Variants in RB1 observed in about 807,000 individuals in gnomAD.
The protein encoded by RB1 is retinoblastoma-associated protein.
In RB1, 18 loss-of-function variants were observed where a neutral mutation model predicts 135.4. The ratio of observed to expected loss-of-function variants is 0.13; its 90% CI spans 0.09 to 0.20. RB1 has a LOEUF of 0.20. Among genes scored for constraint, RB1 ranks in the 10% least tolerant of loss-of-function variants. The pLI is 1.00. For synonymous variants in RB1, 365 were observed against 373.2 expected (o/e 0.98, Z 0.25); for missense variants, 868 against 1,110.0 (o/e 0.78, Z 3.10).
rs58163880 is a variant in RB1 at position 48,430,765 on chromosome 13, CAAAA to C, written c.1696-22219_1696-22216del. 1.2e-4 allele frequency among the ~76,000 whole-genome samples: 18 copies of C among 150,064 alleles called. No homozygotes were observed. In the South Asian group the frequency reaches 3.6e-3, roughly 30 times the overall value. On this transcript the variant is annotated intron_variant, in intron 17 of 26. Coordinates refer to ENST00000267163, the MANE Select transcript of RB1 (RefSeq NM_000321.3). ...AAAAACAAAAAAACAAACAAACAAA[CAAAA>C]AAAAAAAACAGTAGAGGCCTGCTGT...
At chr13:48,408,738 T>A (rs1485888822) in intron 17 of RB1, 1 of 152,188 alleles carries the variant, frequency 6.6e-6, no homozygotes, top group Non-Finnish European at 1.5e-5. Flanking sequence ...TTATGAAGAA[T>A]CTTACAAAAC....
At chr13:48,438,374 G>A (rs1949204644) in intron 17 of RB1, among the ~76,000 whole-genome samples, 1 of 151,978 alleles carries the variant, frequency 6.6e-6, no homozygotes, top group Admixed American at 6.6e-5. Context: ...CTATTCTTCT[G>A]CTTTTTACTT....
intron 17 of RB1, among the ~76,000 whole-genome samples, chr13:48,406,259 A>G (rs1236831400): frequency 6.6e-6 from 1 of 151,942 alleles, no homozygotes; most frequent in Non-Finnish European, 1.5e-5. Flanking sequence ...GGTTTGTACT[A>G]TTTTTCATTC....
In RB1 at chr13:48,477,338, AT is replaced by A. The variant is rs768662148; in HGVS notation, c.2664-10del. On this transcript the variant is annotated splice_polypyrimidine_tract_variant and intron_variant, in intron 25 of 26. Transcript: ENST00000267163. ...TATAAATACACATGAAATGTTTTGC[AT>A]TTTTTTAATCTGCAGTAAACATCTC... 3.8e-6 allele frequency: 6 copies of A among 1,595,528 alleles called. No homozygotes were observed. Among genetic ancestry groups the A allele is most frequent in the Non-Finnish European group, 4.3e-6 (5 of 1,164,414 alleles).
chr13:48,420,042 C>T (rs1369820934), intron 17 of RB1, among the ~76,000 whole-genome samples: 1 of 152,064 alleles, frequency 6.6e-6, no homozygotes, highest in Non-Finnish European at 1.5e-5. Context: ...ATTTTATAAG[C>T]CAAGAATCAT....
intron 17 of RB1, among the ~76,000 whole-genome samples, chr13:48,397,141 C>G (rs1048163362): frequency 1.3e-5 from 2 of 152,180 alleles, no homozygotes. Context: ...AATCCCATTA[C>G]TGAGCATATA....
chr13:48,438,476 T>C (rs574532006), intron 17 of RB1, among the ~76,000 whole-genome samples: 1 of 152,342 alleles, frequency 6.6e-6, no homozygotes, highest in East Asian at 1.9e-4. Context: ...TAGTTGTCTC[T>C]TCTGATTTTC....
rs762380973 is a variant in RB1 at position 48,345,094 on chromosome 13, T to A, written c.395T>A (p.Phe132Tyr). The change falls in exon 4 of 27, where the codon TTT (phenylalanine) becomes TAT (tyrosine). Residue 132 changes from phenylalanine (F) to tyrosine (Y), a missense_variant. Physicochemically the swap from Phe to Tyr is conservative, Grantham distance 22 (BLOSUM62 3). Coordinates refer to ENST00000267163, the MANE Select transcript of RB1 (RefSeq NM_000321.3). Reference protein sequence around the residue: ...KNIEISVHKFFNLLKEIDTST... With the variant: ...KNIEISVHKFYNLLKEIDTST... ...TTCCTTTGTAGTGTCCATAAATTCT[T>A]TAACTTACTAAAAGAAATTGATACC... The A allele has an allele frequency of 1.9e-5, 31 of 1,611,958 alleles. No homozygotes were observed. Among genetic ancestry groups the A allele is most frequent in the Non-Finnish European group, 2.5e-5 (29 of 1,179,086 alleles).
chr13:48,364,779 A>AT (rs1952678161), intron 8 of RB1, 115 bp from the exon 9 acceptor site: 3 of 1,228,956 alleles, frequency 2.4e-6, no homozygotes, highest in Middle Eastern at 2.3e-4. Flanking sequence ...TTATACACAG[A>AT]TTTTTTACTG....
chr13:48,376,804 A>C (rs1206909923), intron 12 of RB1, 114 bp from the exon 13 acceptor site: 1 of 1,501,782 alleles, frequency 6.7e-7, no homozygotes, highest in Non-Finnish European at 9.1e-7. Context: ...GTTATTATGG[A>C]AGTGTTTCCA....
intron 17 of RB1, among the ~76,000 whole-genome samples, chr13:48,451,731 T>A (rs1490069376): frequency 2.9e-5 from 3 of 103,260 alleles, no homozygotes; most frequent in Non-Finnish European, 6.3e-5. Context: ...ATGCATCTGA[T>A]CCTGGGATTT....
chr13:48,399,971 A>G (rs772885316), intron 17 of RB1, among the ~76,000 whole-genome samples: 26 of 152,040 alleles, frequency 1.7e-4, no homozygotes, highest in Non-Finnish European at 3.2e-4. Context: ...TATTATACAC[A>G]TTACCCATTC....
In RB1 at chr13:48,459,703, A is replaced by G. The variant is rs751799266; in HGVS notation, c.1976A>G (p.Tyr659Cys). ...ATTCCCACAGTGTATCGGCTAGCCT[A>G]TCTCCGGCTAAATACACTTTGTGAA... ...LFYKKVYRLAYLRLNTLCERL... is the reference protein window; with the variant it reads ...LFYKKVYRLACLRLNTLCERL... Residue 659 changes from tyrosine (Y) to cysteine (C), a missense_variant, in exon 20 of 27, where the codon TAT (tyrosine) becomes TGT (cysteine). Tyr to Cys is a radical substitution (Grantham distance 194). Transcript: ENST00000267163. The G allele has an allele frequency of 6.2e-6, 10 of 1,613,962 alleles. No homozygotes were observed. Among genetic ancestry groups the G allele is most frequent in the Admixed American group, 3.3e-5 (2 of 60,004 alleles).
intron 2 of RB1, among the ~76,000 whole-genome samples, chr13:48,321,249 A>T (rs1376116000): frequency 1.3e-5 from 2 of 150,730 alleles, no homozygotes; most frequent in Non-Finnish European, 3.0e-5. Context: ...TTTTGGTGAC[A>T]CTCCCTTTTT....
intron 2 of RB1, among the ~76,000 whole-genome samples, chr13:48,308,956 T>C (rs1379349614): frequency 1.3e-5 from 2 of 152,178 alleles, no homozygotes; most frequent in East Asian, 1.9e-4. Context: ...TTTTGTAATA[T>C]AGTTTCTAGT....
At chr13:48,355,359 A>G (rs145034474) in intron 6 of RB1, among the ~76,000 whole-genome samples, 58 of 152,314 alleles carry the variant, frequency 3.8e-4, no homozygotes, top group Non-Finnish European at 8.1e-4. Context: ...AATCAAAACT[A>G]CAATGAGGTA....
At chr13:48,317,113 T>C in intron 2 of RB1, 1 of 905,148 alleles carries the variant, frequency 1.1e-6, no homozygotes. Flanking sequence ...AAGTGTGGGC[T>C]TCCAAAGACA....
At chr13:48,318,417 T>A (rs572872216) in intron 2 of RB1, 113 of 1,498,326 alleles carry the variant, frequency 7.5e-5, no homozygotes, top group South Asian at 4.2e-4. Context: ...CAGGTCCTCG[T>A]CACTGTCCAG....
intron 2 of RB1, among the ~76,000 whole-genome samples, chr13:48,329,666 A>T (rs979991680): frequency 3.9e-5 from 6 of 152,084 alleles, no homozygotes; most frequent in Non-Finnish European, 7.4e-5. Flanking sequence ...TTCCAATGCC[A>T]ACTCATTGCT....
Sources: allele counts gnomAD v4.1 joint callset (sites outside exome capture counted in the v4.1 genomes callset), GRCh38; gene constraint gnomAD v4.1.1; transcripts MANE v1.5; gene names NCBI Gene and HGNC (gene_info 2026-07-23, HGNC 2026-07-21).